Variants in CRY1 observed in about 807,000 individuals in gnomAD.
CRY1 encodes cryptochrome circadian regulator 1.
A neutral mutation model predicts 76.0 loss-of-function variants in CRY1; 45 were observed. The ratio of observed to expected loss-of-function variants is 0.59; its 90% confidence interval spans 0.47 to 0.76. The LOEUF (loss-of-function observed/expected upper bound fraction) is 0.76. CRY1 is among the 30% of genes least tolerant of loss of function. CRY1 has a pLI of 0.00. For missense variants in CRY1, 587 were observed against 716.4 expected, an observed-to-expected ratio of 0.82 and a Z score of 2.06; for synonymous variants, 248 against 244.0, an observed-to-expected ratio of 1.02 and a Z score of -0.15.
intron 1 of CRY1, among the ~76,000 whole-genome samples, chr12:107,027,580 T>C (rs1463384234): frequency 6.6e-6 from 1 of 152,162 alleles, no homozygotes; most frequent in African/African-American, 2.4e-5. Flanking sequence ...AGGCATTAGG[T>C]GACAAAATAT....
At chr12:107,013,089 A>C (rs1469673050) in intron 2 of CRY1, among the ~76,000 whole-genome samples, 1 of 152,244 alleles carries the variant, frequency 6.6e-6, no homozygotes, top group Non-Finnish European at 1.5e-5. Context: ...TTGATGAAGC[A>C]GTGGCAGGGT....
chr12:107,073,194 CA>C (rs1178775380), intron 1 of CRY1: 1 of 151,592 alleles, frequency 6.6e-6, no homozygotes, highest in Non-Finnish European at 1.5e-5. Flanking sequence ...AGTTTGAATA[CA>C]AAAAAGTTTA....
At chr12:107,045,903 T>C (rs191728169) in intron 1 of CRY1, among the ~76,000 whole-genome samples, 252 of 152,220 alleles carry the variant, frequency 1.7e-3, no homozygotes, top group Non-Finnish European at 1.9e-3. Flanking sequence ...GGCACATGTA[T>C]ACATATGTAA....
At chr12:107,069,588 TATATATATATAAAGTATATATATAA>T (rs2136890876) in intron 1 of CRY1, among the ~76,000 whole-genome samples, 6 of 40,728 alleles carry the variant, frequency 1.5e-4, no homozygotes, top group South Asian at 1.1e-3. Context: ...ATATATAAAG[TATATATATATAAAGTATATATATAA>T]AAAGTATATA....
At chr12:107,077,278 G>A (rs1229381972) in intron 1 of CRY1, among the ~76,000 whole-genome samples, 1 of 152,120 alleles carries the variant, frequency 6.6e-6, no homozygotes, top group African/African-American at 2.4e-5. Flanking sequence ...TTCCACAGAG[G>A]TCCTTTTTAA....
chr12:107,089,454 C>G (rs926986186), intron 1 of CRY1, among the ~76,000 whole-genome samples: 1 of 152,084 alleles, frequency 6.6e-6, no homozygotes, highest in Non-Finnish European at 1.5e-5. Context: ...CCTGCCTCAG[C>G]CTCCTGAGTA....
intron 10 of CRY1, among the ~76,000 whole-genome samples, chr12:106,993,976 CACAAAT>C (rs1952206947): frequency 1.3e-5 from 2 of 151,938 alleles, no homozygotes; most frequent in South Asian, 2.1e-4. Flanking sequence ...TGCACACACA[CACAAAT>C]ACAAAGATGA....
chr12:107,071,298 T>C (rs1161088666), intron 1 of CRY1, among the ~76,000 whole-genome samples: 1 of 152,196 alleles, frequency 6.6e-6, no homozygotes, highest in Non-Finnish European at 1.5e-5. Flanking sequence ...TTATTAGGAA[T>C]AAATATTGAA....
chr12:107,055,833 AAAG>A (rs976123915), intron 1 of CRY1, among the ~76,000 whole-genome samples: 8 of 152,094 alleles, frequency 5.3e-5, no homozygotes, highest in African/African-American at 1.9e-4. Context: ...TCAAAAAAAA[AAAG>A]AATGAAAGAA....
intron 1 of CRY1, among the ~76,000 whole-genome samples, chr12:107,059,665 C>A (rs1297194649): frequency 1.3e-5 from 2 of 151,688 alleles, no homozygotes. Flanking sequence ...TCCATGATAT[C>A]CAACCAGTAG....
intron 1 of CRY1, among the ~76,000 whole-genome samples, chr12:107,063,162 A>G (rs922483547): frequency 3.9e-5 from 6 of 152,232 alleles, no homozygotes; most frequent in South Asian, 4.1e-4. Flanking sequence ...TTAATATTCT[A>G]AGCAAGAAAT....
chr12:107,065,286 CTCTG>C (rs946959299), intron 1 of CRY1, among the ~76,000 whole-genome samples: 3 of 150,992 alleles, frequency 2.0e-5, no homozygotes, highest in African/African-American at 4.9e-5. Context: ...CAGAGTGAGA[CTCTG>C]TCTGAAAAAA....
At chr12:107,071,303 A>G (rs964083903) in intron 1 of CRY1, among the ~76,000 whole-genome samples, 1 of 152,186 alleles carries the variant, frequency 6.6e-6, no homozygotes, top group Admixed American at 6.5e-5. Context: ...AGGAATAAAT[A>G]TTGAACTTTA....
intron 1 of CRY1, among the ~76,000 whole-genome samples, chr12:107,030,279 C>T (rs1014726967): frequency 6.6e-6 from 1 of 152,106 alleles, no homozygotes; most frequent in Non-Finnish European, 1.5e-5. Flanking sequence ...AACAATTTTA[C>T]AAGGTATCTC....
chr12:107,093,031 T>G lies in CRY1; in HGVS notation c.-70A>C. 7.0e-7 allele frequency: 1 copy of G among 1,435,450 alleles called. No individual in the cohort carries two copies. The highest frequency in any genetic ancestry group is 1.5e-5 in the South Asian group (1 of 67,988). 88.9% of individuals were successfully genotyped at this position (1,435,450 alleles called of 1,614,324 possible). ...AGGCTCCGGCTCATAGCCGACACCTTCGCTTCCAAGAGAATTGCCTCACCC... is the reference window on the plus strand; with the variant it reads ...AGGCTCCGGCTCATAGCCGACACCTGCGCTTCCAAGAGAATTGCCTCACCC... On this transcript the variant is annotated 5_prime_UTR_variant, in exon 1 of 13. Transcript: ENST00000008527.
At chr12:107,014,795 T>G (rs958672131) in intron 2 of CRY1, among the ~76,000 whole-genome samples, 4 of 152,206 alleles carry the variant, frequency 2.6e-5, no homozygotes, top group African/African-American at 9.7e-5. Flanking sequence ...ATACCAAAAT[T>G]CACAAATGCT....
At chr12:107,045,552 T>C (rs1470828105) in intron 1 of CRY1, among the ~76,000 whole-genome samples, 2 of 152,238 alleles carry the variant, frequency 1.3e-5, no homozygotes, top group Non-Finnish European at 2.9e-5. Context: ...TGGTATTTTA[T>C]ACATGAAGTC....
At chr12:107,023,303 T>G (rs951864753) in intron 1 of CRY1, among the ~76,000 whole-genome samples, 1 of 152,216 alleles carries the variant, frequency 6.6e-6, no homozygotes, top group Non-Finnish European at 1.5e-5. Flanking sequence ...AAAAGGCACA[T>G]GTAGCCATTT....
chr12:106,998,079 C>T lies in CRY1; in HGVS notation c.1138-13G>A, dbSNP rs1331090122. The T allele has an allele frequency of 1.9e-6, 3 of 1,613,500 alleles. No individual in the cohort carries two copies. The highest frequency in any genetic ancestry group is 1.1e-5 in the South Asian group (1 of 91,008). ...ATTCTTCAAATACCTTCAGAAGTAACAGTAACCAATTAGTTTGCACACACA... is the reference window on the plus strand; with the variant it reads ...ATTCTTCAAATACCTTCAGAAGTAATAGTAACCAATTAGTTTGCACACACA... On this transcript the variant is annotated splice_polypyrimidine_tract_variant and intron_variant, in intron 7 of 12. Transcript: ENST00000008527.
Sources: gnomAD v4.1 joint callset for allele counts (sites outside exome capture counted in the v4.1 genomes callset) on GRCh38, gnomAD v4.1.1 for gene constraint, MANE v1.5 for transcripts, NCBI Gene and HGNC (gene_info 2026-07-23, HGNC 2026-07-21) for gene names.